MGAT5B: variants seen among roughly 807,000 people sequenced by gnomAD.
The protein encoded by MGAT5B is N-acetylglucosaminyl-transferase Vb.
A neutral mutation model predicts 95.1 loss-of-function variants in MGAT5B; 54 were observed. The observed-to-expected ratio is 0.57, with a 90% CI of 0.46 to 0.71. MGAT5B has a LOEUF of 0.71. Among genes scored for constraint, MGAT5B ranks in the 30% least tolerant of loss-of-function variants. MGAT5B has a pLI of 0.00. For missense variants in MGAT5B, 935 were observed against 1,088.6 expected, an observed-to-expected ratio of 0.86 and a Z score of 1.99; for synonymous variants, 464 against 451.0, an observed-to-expected ratio of 1.03 and a Z score of -0.36.
chr17:76,887,925 C>T (rs1296269165), intron 3 of MGAT5B, among the ~76,000 whole-genome samples: 1 of 151,886 alleles, frequency 6.6e-6, no homozygotes, highest in Non-Finnish European at 1.5e-5. Flanking sequence ...CCTCATGGCC[C>T]CCCAGCTCAC....
At chr17:76,908,501 A>C (rs1351385129) in intron 8 of MGAT5B, among the ~76,000 whole-genome samples, 1 of 152,122 alleles carries the variant, frequency 6.6e-6, no homozygotes, top group Non-Finnish European at 1.5e-5. Context: ...TCCTAGGCTC[A>C]AGAAATTCGC....
intron 3 of MGAT5B, among the ~76,000 whole-genome samples, chr17:76,894,278 T>G (rs1304606780): frequency 6.6e-6 from 1 of 152,208 alleles, no homozygotes; most frequent in Non-Finnish European, 1.5e-5. Context: ...TGGACTGATC[T>G]CTCATTTAAT....
In MGAT5B at chr17:76,940,253, T is replaced by A; in HGVS notation, c.1585-149T>A. On this transcript the variant is annotated intron_variant, in intron 13 of 17. Coordinates refer to ENST00000569840, the MANE Select transcript of MGAT5B (RefSeq NM_001199172.2). This position sits in a 1 kb window ranked among gnomAD's most constrained non-coding sequence, Gnocchi z 4.3. ...CTGGCTTTTCCAGCCCTGTTATAGC[T>A]CACATAACAGGCTGAGCAAAAATAA... The A allele has an allele frequency of 1.0e-6, 1 of 975,932 alleles. No individual in the cohort carries two copies. The highest frequency in any genetic ancestry group is 1.4e-6 in the Non-Finnish European group (1 of 695,736). 60.5% of individuals were successfully genotyped at this position (975,932 alleles called of 1,614,324 possible).
chr17:76,940,749 C>G lies in MGAT5B; in HGVS notation c.1749C>G (p.Pro583=), dbSNP rs776475033. 33 of 1,614,028 alleles carry G rather than the reference C, an allele frequency of 2.0e-5. No individual in the cohort carries two copies. The South Asian group carries it at 3.5e-4, about 17-fold the overall frequency. The change falls in exon 15 of 18, where the codon CCC becomes CCG. Residue 583 remains proline, a synonymous_variant. Transcript: ENST00000569840. This position sits in a 1 kb window ranked among gnomAD's most constrained non-coding sequence, Gnocchi z 4.3. ...PTSREVFSQH[P]YAENFIGKPH... Reference sequence around the variant, plus strand: ...CTTGCCAGGTGTTCTCCCAGCATCCCTACGCGGAGAACTTCATCGGCAAGC... The same window carrying G: ...CTTGCCAGGTGTTCTCCCAGCATCCGTACGCGGAGAACTTCATCGGCAAGC...
intron 3 of MGAT5B, among the ~76,000 whole-genome samples, chr17:76,899,660 T>C (rs1968233883): frequency 6.6e-6 from 1 of 152,068 alleles, no homozygotes; most frequent in African/African-American, 2.4e-5. Flanking sequence ...CCTCTCTCTC[T>C]CTGTGTATAT....
intron 8 of MGAT5B, among the ~76,000 whole-genome samples, chr17:76,922,560 C>T (rs962427362): frequency 6.6e-6 from 1 of 152,222 alleles, no homozygotes; most frequent in South Asian, 2.1e-4. Flanking sequence ...ACACTTAAAC[C>T]TACCACCAAA....
rs937404954 is a variant in MGAT5B at position 76,870,225 on chromosome 17, G to T, written c.68+1128G>T. Among the ~76,000 whole-genome samples, 3 of 152,200 alleles carry T rather than the reference G, an allele frequency of 2.0e-5. No homozygotes were observed. The highest frequency in any genetic ancestry group is 7.2e-5 in the African/African-American group (3 of 41,452). On this transcript the variant is annotated intron_variant, in intron 1 of 17. Coordinates refer to ENST00000569840, the MANE Select transcript of MGAT5B (RefSeq NM_001199172.2). The surrounding 1 kb of genome is among the most constrained non-coding windows in gnomAD (Gnocchi z 5.0). Reference sequence around the variant, plus strand: ...GGAGACGGTGGCTCACCTGGAGCCCGCCTCCCAGCACACCGGGCCTGTCTG... The same window carrying T: ...GGAGACGGTGGCTCACCTGGAGCCCTCCTCCCAGCACACCGGGCCTGTCTG...
intron 3 of MGAT5B, among the ~76,000 whole-genome samples, chr17:76,888,424 C>T (rs925998961): frequency 1.5e-4 from 23 of 152,048 alleles, no homozygotes; most frequent in Admixed American, 7.9e-4. Context: ...TCAGGTCTCC[C>T]GGTATGCGTG....
At chr17:76,947,528 A>G (rs548137623) in intron 16 of MGAT5B, among the ~76,000 whole-genome samples, 2 of 152,282 alleles carry the variant, frequency 1.3e-5, no homozygotes, top group South Asian at 4.1e-4. Flanking sequence ...TGACCTGAGC[A>G]TCGAGGCAGC....
At chr17:76,896,951 T>G (rs1262007581) in intron 3 of MGAT5B, among the ~76,000 whole-genome samples, 1 of 152,046 alleles carries the variant, frequency 6.6e-6, no homozygotes, top group Non-Finnish European at 1.5e-5. Context: ...CAAAGTCTTG[T>G]TCTGTCACCC....
chr17:76,928,804 G>GA (rs1325742747), intron 10 of MGAT5B, among the ~76,000 whole-genome samples: 5 of 152,236 alleles, frequency 3.3e-5, no homozygotes, highest in African/African-American at 1.2e-4. Context: ...CCGAGGAGTG[G>GA]GGTGTTTTAG....
At chr17:76,897,019 A>G (rs619685) in intron 3 of MGAT5B, among the ~76,000 whole-genome samples, 19,762 of 151,942 alleles carry the variant, frequency 0.13, 1,671 homozygotes, top group African/African-American at 0.21. Context: ...CACGGGCGCA[A>G]ACGATCCTCC....
At chr17:76,894,408 G>A (rs903202745) in intron 3 of MGAT5B, among the ~76,000 whole-genome samples, 1 of 152,236 alleles carries the variant, frequency 6.6e-6, no homozygotes. Flanking sequence ...TGAGATCAGA[G>A]TATAGAAAGA....
At chr17:76,921,556 C>T (rs1044454197) in intron 8 of MGAT5B, among the ~76,000 whole-genome samples, 11 of 152,026 alleles carry the variant, frequency 7.2e-5, no homozygotes, top group Non-Finnish European at 1.0e-4. Flanking sequence ...TGGGGCTCAG[C>T]GGGGGTCCAC....
intron 3 of MGAT5B, among the ~76,000 whole-genome samples, chr17:76,895,729 C>T (rs2093260915): frequency 6.6e-6 from 1 of 152,094 alleles, no homozygotes; most frequent in African/African-American, 2.4e-5. Context: ...TCACTCATGA[C>T]ATCTGCAGTG....
chr17:76,916,661 G>C lies in MGAT5B; in HGVS notation c.1026-8305G>C, dbSNP rs1968949240. ...AAAACTCAGAAAGAAATGAGGAGAAGGGCTGGCTTCTGGATGCTCCTGACG... is the reference window on the plus strand; with the variant it reads ...AAAACTCAGAAAGAAATGAGGAGAACGGCTGGCTTCTGGATGCTCCTGACG... On this transcript the variant is annotated intron_variant, in intron 8 of 17. Coordinates refer to ENST00000569840, the MANE Select transcript of MGAT5B (RefSeq NM_001199172.2). This position sits in a 1 kb window ranked among gnomAD's most constrained non-coding sequence, Gnocchi z 5.3. 6.6e-6 allele frequency among the ~76,000 whole-genome samples: 1 copy of C among 152,206 alleles called. No individual in the cohort carries two copies. Among genetic ancestry groups the C allele is most frequent in the Admixed American group, 6.5e-5 (1 of 15,282 alleles).
chr17:76,920,484 C>T (rs1969092343), intron 8 of MGAT5B, among the ~76,000 whole-genome samples: 1 of 152,188 alleles, frequency 6.6e-6, no homozygotes, highest in Admixed American at 6.5e-5. Context: ...TGAAAGTAAA[C>T]TTAAATTACA....
At chr17:76,882,831 C>T (rs1480227088) in intron 3 of MGAT5B, among the ~76,000 whole-genome samples, 1 of 151,562 alleles carries the variant, frequency 6.6e-6, no homozygotes, top group African/African-American at 2.4e-5. Flanking sequence ...CCTCCCACCC[C>T]AGCCTCCTGA....
chr17:76,911,766 T>C (rs1316759807), intron 8 of MGAT5B, among the ~76,000 whole-genome samples: 1 of 152,090 alleles, frequency 6.6e-6, no homozygotes, highest in Non-Finnish European at 1.5e-5. Flanking sequence ...TCAATACAGT[T>C]TGAGATGTGG....
Sources: gnomAD v4.1 joint callset for allele counts (sites outside exome capture counted in the v4.1 genomes callset) on GRCh38, gnomAD v4.1.1 for gene constraint, Gnocchi (gnomAD v3.1) non-coding constraint, MANE v1.5 for transcripts, NCBI Gene and HGNC (gene_info 2026-07-23, HGNC 2026-07-21) for gene names.